Variants in ERAL1 observed in about 807,000 individuals in gnomAD.
ERAL1 encodes GTPase Era, mitochondrial.
ERAL1 carries 36 observed loss-of-function variants against 53.6 expected under a neutral mutation model. That is an observed-to-expected ratio of 0.67 (90% confidence interval 0.51 to 0.89). The LOEUF (loss-of-function observed/expected upper bound fraction) is 0.89, where lower values mean the gene tolerates loss of function less well. Among genes scored for constraint, ERAL1 ranks in the 40% least tolerant of loss-of-function variants. ERAL1 has a pLI of 0.00. For synonymous variants in ERAL1, 215 were observed against 211.8 expected, an observed-to-expected ratio of 1.02 and a Z score of -0.13; for missense variants, 512 against 537.5, an observed-to-expected ratio of 0.95 and a Z score of 0.47.
chr17:28,859,180 T>G (rs1346227491), intron 8 of ERAL1, 23 bp from the exon 9 acceptor site: 1 of 1,614,142 alleles, frequency 6.2e-7, no homozygotes, highest in Non-Finnish European at 8.5e-7. Context: ...TATGACTGAC[T>G]AATCATTTGT....
intron 7 of ERAL1, 35 bp from the exon 8 acceptor site, chr17:28,858,929 A>T: frequency 6.2e-7 from 1 of 1,613,248 alleles, no homozygotes; most frequent in Non-Finnish European, 8.5e-7. Flanking sequence ...CCTGGTTGGG[A>T]TTAAGATGCC....
intron 6 of ERAL1, 24 bp from the exon 7 acceptor site, chr17:28,858,552 C>G (rs373363951): frequency 1.2e-6 from 2 of 1,614,098 alleles, no homozygotes; most frequent in Non-Finnish European, 8.5e-7. Flanking sequence ...GACCACACAC[C>G]CTTTGCCCAT....
At position 28,855,268 on chromosome 17, in the gene ERAL1, G is replaced by A. The variant is rs769894882; in HGVS notation, c.234G>A (p.Gln78=). 7 of 1,611,186 alleles carry A rather than the reference G, an allele frequency of 4.3e-6. No individual in the cohort carries two copies. Among genetic ancestry groups the A allele is most frequent in the Non-Finnish European group, 5.9e-6 (7 of 1,178,156 alleles). ...SALDHFLGFS[Q]PDSSVTPCVP... ...TGGACCACTTCCTCGGATTCTCTCA[G>A]CCCGACAGTTCGGTGACTCCTTGCG... is the stretch of plus-strand genomic sequence containing the variant. Residue 78 remains glutamine (Q), a synonymous_variant, in exon 1 of 10, where the codon CAG becomes CAA. Coordinates refer to ENST00000254928, the MANE Select transcript of ERAL1 (RefSeq NM_005702.4).
chr17:28,857,269 G>A (rs1357279681), intron 3 of ERAL1, among the ~76,000 whole-genome samples: 5 of 150,776 alleles, frequency 3.3e-5, no homozygotes, highest in South Asian at 2.1e-4. Flanking sequence ...CACCACGCCC[G>A]GCTACTTTTG....
chr17:28,860,642 C>A lies in ERAL1; in HGVS notation c.*89C>A. On this transcript the variant is annotated 3_prime_UTR_variant, in exon 10 of 10. Transcript: ENST00000254928. ...TGTCCTTGGCTGGGGACCCTCCAGG[C>A]ACTGGTGAGAGACATGAACACTGAC... 1 of 1,461,610 alleles carries A rather than the reference C, an allele frequency of 6.8e-7. No homozygotes were observed. The allele number at this position is 1,461,610 out of a possible 1,614,324, so 90.5% of individuals were successfully genotyped here.
rs1598077659 is a variant in ERAL1 at position 28,859,280 on chromosome 17, T to C, written c.1188T>C (p.Tyr396=). The change falls in exon 9 of 10, where the codon TAT becomes TAC. Residue 396 remains tyrosine, a synonymous_variant. Coordinates refer to ENST00000254928, the MANE Select transcript of ERAL1 (RefSeq NM_005702.4). ...AGCTTCTGGTGCCCAAAGAATCTTATGTGGTAAGTGAGACTAGGCTCAGAG... is the reference window on the plus strand; with the variant it reads ...AGCTTCTGGTGCCCAAAGAATCTTACGTGGTAAGTGAGACTAGGCTCAGAG... ...QQKLLVPKES[Y]VKLLIGPKGH... 6.2e-7 allele frequency: 1 copy of C among 1,614,142 alleles called. No individual in the cohort carries two copies. Among genetic ancestry groups the C allele is most frequent in the Middle Eastern group, 1.7e-4 (1 of 6,002 alleles).
At position 28,856,520 on chromosome 17, in the gene ERAL1, A is replaced by G. The variant is rs760315433; in HGVS notation, c.427A>G (p.Arg143Gly). The G allele has an allele frequency of 1.2e-6, 2 of 1,613,762 alleles. No individual in the cohort carries two copies. Among genetic ancestry groups the G allele is most frequent in the South Asian group, 2.2e-5 (2 of 91,074 alleles). ...TTCCTGGCAGGTGTTCCCTGTTTCC[A>G]GGAAGGTGCATACTACTCGCTGCCA... ...LLGRKVFPVSRKVHTTRCQAL... is the reference protein window; with the variant it reads ...LLGRKVFPVSGKVHTTRCQAL... Residue 143 changes from arginine to glycine, a missense_variant, in exon 3 of 10, where the codon AGG (arginine) becomes GGG (glycine). By Grantham distance (125) the Arg-to-Gly change is moderately radical (BLOSUM62 -2). Transcript: ENST00000254928.
chr17:28,855,375 C>G, intron 1 of ERAL1, 58 bp downstream of exon 1: 1 of 1,496,666 alleles, frequency 6.7e-7, no homozygotes, highest in East Asian at 2.3e-5. Flanking sequence ...TGAAAGGTTT[C>G]TGGGGATACT....
Position 28,859,235 on chromosome 17 carries a change from G to A in ERAL1, c.1143G>A (p.Gly381=), listed in dbSNP as rs1598077583. 13 of 1,614,146 alleles carry A rather than the reference G, an allele frequency of 8.1e-6. No individual in the cohort carries two copies. Among genetic ancestry groups the A allele is most frequent in the Non-Finnish European group, 1.0e-5 (12 of 1,180,030 alleles). The stretch of plus-strand genomic sequence containing the variant: ...CAGTGTGGGAGGAAGGACCAGGTGG[G>A]GAGCTGGTTATCCAACAGAAGCTTC... The part of the protein sequence containing the change: ...KTAVWEEGPG[G]ELVIQQKLLV... The change falls in exon 9 of 10, where the codon GGG becomes GGA. Residue 381 remains glycine (G), a synonymous_variant. Transcript: ENST00000254928.
At position 28,858,420 on chromosome 17, in the gene ERAL1, C is replaced by T. The variant is rs1598076501; in HGVS notation, c.645C>T (p.Leu215=). ...CAGACAAGTGGACACGGAACCAGCT[C>T]AGCCCCCAGTTGCTCAGGTGCTTGA... ...DVSDKWTRNQ[L]SPQLLRCLTK... is the part of the protein sequence containing the mutation. Residue 215 remains leucine (L), a synonymous_variant, in exon 6 of 10, where the codon CTC becomes CTT. Coordinates refer to ENST00000254928, the MANE Select transcript of ERAL1 (RefSeq NM_005702.4). The T allele has an allele frequency of 6.2e-7, 1 of 1,614,144 alleles. No individual in the cohort carries two copies.
rs1044025537 is a variant in ERAL1, at chr17:28,860,655, C to T, written c.*102C>T. 2 of 1,406,404 alleles carry T rather than the reference C, an allele frequency of 1.4e-6. No individual in the cohort carries two copies. The highest frequency in any genetic ancestry group is 2.9e-5 in the African/African-American group (2 of 67,858). 87.1% of individuals were successfully genotyped at this position (1,406,404 alleles called of 1,614,324 possible). ...GGACCCTCCAGGCACTGGTGAGAGA[C>T]ATGAACACTGACTGGCCACTAGCTG... On this transcript the variant is annotated 3_prime_UTR_variant, in exon 10 of 10. Transcript: ENST00000254928.
rs2039242287 is a variant in ERAL1 at position 28,856,328 on chromosome 17, G to A, written c.348G>A (p.Val116=). Residue 116 remains valine, a synonymous_variant, in exon 2 of 10, where the codon GTG becomes GTA. Transcript: ENST00000254928. ...DMPENSRVLR[V]VLLGAPNAGK... ...CTGAGAATTCCCGGGTCCTACGAGT[G>A]GTCCTCCTGGGAGCCCCGAATGCAG... 1.2e-6 allele frequency: 2 copies of A among 1,614,136 alleles called. No homozygotes were observed. Among genetic ancestry groups the A allele is most frequent in the East Asian group, 4.5e-5 (2 of 44,886 alleles).
Position 28,858,818 on chromosome 17 carries a change from A to G in ERAL1, c.954A>G (p.Thr318=). Residue 318 remains threonine, a synonymous_variant, in exon 7 of 10, where the codon ACA becomes ACG. Transcript: ENST00000254928. ...LSALSQEDVK[T]LKQYLLTQAQ... is the part of the protein sequence containing the mutation. Reference sequence around the variant, plus strand: ...CCCTAAGCCAGGAGGACGTGAAAACACTAAAGGTCAGTTAGTCTTGGCCAT... The same window carrying G: ...CCCTAAGCCAGGAGGACGTGAAAACGCTAAAGGTCAGTTAGTCTTGGCCAT... 1.2e-6 allele frequency: 2 copies of G among 1,614,178 alleles called. No individual in the cohort carries two copies. The highest frequency in any genetic ancestry group is 1.1e-5 in the South Asian group (1 of 91,090).
At chr17:28,857,008 G>T (rs1186383496) in intron 3 of ERAL1, among the ~76,000 whole-genome samples, 3 of 151,886 alleles carry the variant, frequency 2.0e-5, no homozygotes, top group Non-Finnish European at 4.4e-5. Flanking sequence ...ACTGCGCCTG[G>T]CCAGGAAAGG....
chr17:28,857,871 C>T, intron 3 of ERAL1, 68 bp from the exon 4 acceptor site: 2 of 1,548,004 alleles, frequency 1.3e-6, no homozygotes, highest in South Asian at 1.1e-5. Context: ...TCACAGGTAG[C>T]CTCTCTCTGA....
chr17:28,855,468 A>G, intron 1 of ERAL1, 151 bp downstream of exon 1: 1 of 918,518 alleles, frequency 1.1e-6, no homozygotes, highest in Non-Finnish European at 1.5e-6. Context: ...GAGAAATAAC[A>G]GTTTGAGTGG....
At chr17:28,855,470 T>C (rs1358198689) in intron 1 of ERAL1, among the ~76,000 whole-genome samples, 153 bp downstream of exon 1, 1 of 151,992 alleles carries the variant, frequency 6.6e-6, no homozygotes, top group African/African-American at 2.4e-5. Flanking sequence ...GAAATAACAG[T>C]TTGAGTGGGA....
At position 28,855,047 on chromosome 17, in the gene ERAL1, A is replaced by G. The variant is rs568461353; in HGVS notation, c.13A>G (p.Ser5Gly). The G allele has an allele frequency of 1.2e-5, 19 of 1,592,430 alleles. No homozygotes were observed. The East Asian group carries it at 3.8e-4, about 32-fold the overall frequency. Reference protein sequence around the residue: MAAPSWRGARLVQSV... With the variant: MAAPGWRGARLVQSV... ...CCTTGCGGCTGTAATGGCTGCCCCC[A>G]GCTGGCGCGGGGCTAGGCTTGTTCA... The change falls in exon 1 of 10, where the codon AGC becomes GGC. Residue 5 changes from serine to glycine, a missense_variant. Coordinates refer to ENST00000254928, the MANE Select transcript of ERAL1 (RefSeq NM_005702.4).
Position 28,858,068 on chromosome 17 carries a change from C to G in ERAL1, c.537-78C>G, listed in dbSNP as rs561462239. ...ATTCCATTATAGGGGCTGGAAAACC[C>G]CTTTACCATACCACATCCCTCATCA... On this transcript the variant is annotated intron_variant, in intron 4 of 9. Transcript: ENST00000254928. The G allele has an allele frequency of 2.9e-4, 467 of 1,612,500 alleles. 1 individual carries two copies. Among genetic ancestry groups the G allele is most frequent in the South Asian group, 9.6e-4 (87 of 91,024 alleles).
Sources: allele counts gnomAD v4.1 joint callset (sites outside exome capture counted in the v4.1 genomes callset), GRCh38; gene constraint gnomAD v4.1.1; transcripts MANE v1.5; gene names NCBI Gene and HGNC (gene_info 2026-07-23, HGNC 2026-07-21).